OSBPL9: variants seen among roughly 807,000 people sequenced by gnomAD.
The protein encoded by OSBPL9 is oxysterol binding protein like 9.
OSBPL9 carries 40 observed loss-of-function variants against 106.6 expected under a neutral mutation model. The observed-to-expected ratio is 0.38, with a 90% confidence interval of 0.29 to 0.49. The LOEUF is 0.49. Ranked by LOEUF, OSBPL9 falls within the 20% of genes least tolerant of loss-of-function variation. The probability of loss-of-function intolerance (pLI) is 0.97; values close to 1 mark genes in which losing one functional copy is unlikely to be tolerated. For synonymous variants in OSBPL9, 269 were observed against 295.4 expected, an observed-to-expected ratio of 0.91 and a Z score of 0.92; for missense variants, 609 against 887.2, an observed-to-expected ratio of 0.69 and a Z score of 3.98.
At chr1:51,584,185 G>A (rs1005462866) in intron 1 of OSBPL9, among the ~76,000 whole-genome samples, 1 of 152,100 alleles carries the variant, frequency 6.6e-6, no homozygotes, top group Non-Finnish European at 1.5e-5. Flanking sequence ...CAGTCCCTAT[G>A]CAAGGTCTGG....
chr1:51,730,149 G>C, intron 4 of OSBPL9: 4 of 1,244,772 alleles, frequency 3.2e-6, no homozygotes, highest in Non-Finnish European at 4.0e-6. Context: ...GTGGCTGCCC[G>C]GGCCCCTCTT....
At chr1:51,759,688 A>G (rs1299407832) in intron 9 of OSBPL9, 2 of 151,878 alleles carry the variant, frequency 1.3e-5, no homozygotes, top group East Asian at 3.9e-4. Flanking sequence ...ACACACTCGC[A>G]CCCCCCTGCT....
the OSBPL9 span, among the ~76,000 whole-genome samples, chr1:51,542,875 G>A: frequency 5.2e-4 from 79 of 152,178 alleles, no homozygotes; most frequent in African/African-American, 1.7e-3. Flanking sequence ...CTTCCTTATC[G>A]GTAAAATGGG....
chr1:51,640,740 G>A (rs1438811250), intron 1 of OSBPL9, among the ~76,000 whole-genome samples: 1 of 152,020 alleles, frequency 6.6e-6, no homozygotes, highest in African/African-American at 2.4e-5. Context: ...ATACCTTCCA[G>A]GTCCCAGGCA....
At chr1:51,702,790 G>A (rs1468257045) in intron 3 of OSBPL9, among the ~76,000 whole-genome samples, 2 of 152,194 alleles carry the variant, frequency 1.3e-5, no homozygotes, top group Non-Finnish European at 2.9e-5. Context: ...TAACATTTAA[G>A]TCTTTAATCC....
At chr1:51,722,166 G>A (rs982529069) in intron 4 of OSBPL9, among the ~76,000 whole-genome samples, 3 of 140,338 alleles carry the variant, frequency 2.1e-5, no homozygotes, top group African/African-American at 8.7e-5. Context: ...AAAATAAATA[G>A]ATAGATAGAT....
chr1:51,598,317 G>A (rs1241869471), intron 2 of OSBPL9: 1 of 152,310 alleles, frequency 6.6e-6, no homozygotes, highest in Non-Finnish European at 1.5e-5. Context: ...GGGAGATAAA[G>A]AGAAAAGGGG....
chr1:51,666,266 A>G (rs1648494040), intron 2 of OSBPL9, among the ~76,000 whole-genome samples: 1 of 152,182 alleles, frequency 6.6e-6, no homozygotes, highest in Non-Finnish European at 1.5e-5. Context: ...ATGGAAGGTT[A>G]AGGTACAGCC....
the OSBPL9 span, among the ~76,000 whole-genome samples, chr1:51,540,067 CTTT>C: frequency 3.1e-4 from 47 of 152,276 alleles, no homozygotes; most frequent in Non-Finnish European, 4.9e-4. Flanking sequence ...AAGTATTCTT[CTTT>C]TTTTCTTTTA....
intron 2 of OSBPL9, among the ~76,000 whole-genome samples, chr1:51,610,206 T>C (rs1639108250): frequency 6.6e-6 from 1 of 152,114 alleles, no homozygotes; most frequent in South Asian, 2.1e-4. Context: ...TGGGCACAGG[T>C]GTGGGTGTCC....
At chr1:51,740,954 T>C (rs1343710941) in intron 4 of OSBPL9, among the ~76,000 whole-genome samples, 2 of 152,238 alleles carry the variant, frequency 1.3e-5, no homozygotes, top group Non-Finnish European at 2.9e-5. Flanking sequence ...AAAGCAACTA[T>C]AATTTATATG....
At chr1:51,615,126 C>T (rs1644020650), upstream of OSBPL9, among the ~76,000 whole-genome samples, 1 of 152,178 alleles carries the variant, frequency 6.6e-6, no homozygotes, top group African/African-American at 2.4e-5. Context: ...CAGGCGAGCG[C>T]CTGTAATCCC....
rs1663863067 is a variant in OSBPL9 at position 51,729,681 on chromosome 1, A to T, written c.318+15602A>T. ...TCCACCCAAAACTGGCCCAACCGCCAATCGTCTGCCTCTCACCTCCTACAG... is the reference window on the plus strand; with the variant it reads ...TCCACCCAAAACTGGCCCAACCGCCTATCGTCTGCCTCTCACCTCCTACAG... On this transcript the variant is annotated intron_variant, in intron 4 of 23. Coordinates refer to ENST00000428468, the MANE Select transcript of OSBPL9 (RefSeq NM_024586.6). This position sits in a 1 kb window ranked among gnomAD's most constrained non-coding sequence, Gnocchi z 5.1. 1.0e-5 allele frequency: 5 copies of T among 495,268 alleles called. No individual in the cohort carries two copies. The East Asian group carries it at 2.2e-4, about 21-fold the overall frequency. 30.7% of individuals were successfully genotyped at this position (495,268 alleles called of 1,614,324 possible). A position where few individuals can be genotyped will look rare whatever the true frequency, so the allele number is the denominator to read the frequency against.
At chr1:51,568,455 AAACTCTAGAGGG>A in the OSBPL9 span, among the ~76,000 whole-genome samples, 1 of 152,196 alleles carries the variant, frequency 6.6e-6, no homozygotes, top group Non-Finnish European at 1.5e-5. Context: ...TGCTTTGTAA[AAACTCTAGAGGG>A]AACTCTAGAG....
chr1:51,686,288 G>A (rs898743577), intron 3 of OSBPL9, among the ~76,000 whole-genome samples: 1 of 152,182 alleles, frequency 6.6e-6, no homozygotes, highest in Non-Finnish European at 1.5e-5. Flanking sequence ...ACTGAGGCTT[G>A]TGTAAGTTTT....
In OSBPL9 at chr1:51,653,980, TG is replaced by T. The variant is rs201110283; in HGVS notation, c.162+1940del. Among the ~76,000 whole-genome samples, 861 of 150,198 alleles carry T rather than the reference TG, an allele frequency of 5.7e-3. 2 individuals are homozygous for T. The highest frequency in any genetic ancestry group is 0.02 in the African/African-American group (816 of 40,748). ...TTGTGCCACTGCCTTCCAGCCTGGG[TG>T]ACAGAGTGAGACCCTGAGACCCTAT... On this transcript the variant is annotated intron_variant, in intron 2 of 23. Transcript: ENST00000428468.
At chr1:51,538,218 G>T in the OSBPL9 span, among the ~76,000 whole-genome samples, 2 of 152,252 alleles carry the variant, frequency 1.3e-5, no homozygotes, top group Middle Eastern at 6.8e-3. Context: ...CTTGAACCTT[G>T]GAGGCAGAGG....
At chr1:51,759,208 G>A (rs771742559) in intron 9 of OSBPL9, among the ~76,000 whole-genome samples, 1 of 151,600 alleles carries the variant, frequency 6.6e-6, no homozygotes, top group African/African-American at 2.4e-5. Flanking sequence ...AACTATTTTA[G>A]TGACAAGAAT....
intron 1 of OSBPL9, among the ~76,000 whole-genome samples, chr1:51,633,171 C>G (rs966491843): frequency 1.3e-5 from 2 of 151,758 alleles, no homozygotes; most frequent in African/African-American, 4.8e-5. Flanking sequence ...GTTGGCCAGG[C>G]TGGTCTTGAA....
Sources: allele counts gnomAD v4.1 joint callset (sites outside exome capture counted in the v4.1 genomes callset), GRCh38; gene constraint gnomAD v4.1.1; non-coding constraint Gnocchi (gnomAD v3.1); transcripts MANE v1.5; gene names NCBI Gene and HGNC (gene_info 2026-07-23, HGNC 2026-07-21).